GRAMD1B: variants seen among roughly 807,000 people sequenced by gnomAD.
GRAMD1B encodes the protein protein Aster-B.
Under a neutral mutation model 99.7 loss-of-function variants are expected in GRAMD1B, and 37 were observed. The observed-to-expected ratio is 0.37, with a 90% CI of 0.29 to 0.49. The LOEUF is 0.49. Among genes scored for constraint, GRAMD1B ranks in the 20% least tolerant of loss-of-function variants. The pLI is 0.98. For missense variants in GRAMD1B, 888 were observed against 1,009.2 expected (o/e 0.88, Z 1.63); for synonymous variants, 427 against 387.6 (o/e 1.10, Z -1.19).
intron 1 of GRAMD1B, among the ~76,000 whole-genome samples, chr11:123,366,267 G>A (rs1946317185): frequency 6.6e-6 from 1 of 152,174 alleles, no homozygotes; most frequent in African/African-American, 2.4e-5. Context: ...GATATATTTT[G>A]GCTTGTCGAA....
chr11:123,362,163 G>T (rs992408057), intron 1 of GRAMD1B, among the ~76,000 whole-genome samples: 3 of 152,172 alleles, frequency 2.0e-5, no homozygotes, highest in Non-Finnish European at 4.4e-5. Context: ...CCACAGTAGG[G>T]GAGAGGAATA....
At chr11:123,452,432 G>C (rs1270678138) in intron 1 of GRAMD1B, among the ~76,000 whole-genome samples, 1 of 152,132 alleles carries the variant, frequency 6.6e-6, no homozygotes, top group Non-Finnish European at 1.5e-5. Context: ...GATCGCCTGA[G>C]GTCAGGAGTT....
intron 1 of GRAMD1B, among the ~76,000 whole-genome samples, chr11:123,383,652 T>A (rs1208512326): frequency 6.6e-6 from 1 of 152,118 alleles, no homozygotes; most frequent in African/African-American, 2.4e-5. Flanking sequence ...CTTTCCTACA[T>A]CATTAATCTT....
intron 1 of GRAMD1B, among the ~76,000 whole-genome samples, chr11:123,360,736 T>TTTCC (rs1297654097): frequency 4.0e-4 from 61 of 151,462 alleles, no homozygotes; most frequent in Non-Finnish European, 6.6e-4. Context: ...AATCACATTC[T>TTTCC]TTCCTTCCTT....
chr11:123,588,128 T>C (rs966867867), intron 4 of GRAMD1B, among the ~76,000 whole-genome samples: 3 of 152,040 alleles, frequency 2.0e-5, no homozygotes, highest in Non-Finnish European at 2.9e-5. Context: ...CAGATTTGGC[T>C]GTAAGGTCAG....
At chr11:123,548,315 T>TACACACACAC (rs1468638521) in intron 2 of GRAMD1B, among the ~76,000 whole-genome samples, 184 of 90,934 alleles carry the variant, frequency 2.0e-3, no homozygotes, top group East Asian at 9.2e-3. Context: ...TATATATATA[T>TACACACACAC]ATATATATAT....
intron 2 of GRAMD1B, among the ~76,000 whole-genome samples, chr11:123,550,571 G>C (rs1325773446): frequency 6.6e-6 from 1 of 152,192 alleles, no homozygotes; most frequent in African/African-American, 2.4e-5. Flanking sequence ...TGGGGTGGAG[G>C]AAGGTGGAGG....
chr11:123,511,254 C>G (rs1297522415), intron 2 of GRAMD1B, among the ~76,000 whole-genome samples: 2 of 152,188 alleles, frequency 1.3e-5, no homozygotes, highest in Non-Finnish European at 2.9e-5. Flanking sequence ...GCCTCTCATC[C>G]TGCAGCAGAC....
intron 1 of GRAMD1B, among the ~76,000 whole-genome samples, chr11:123,387,297 T>A (rs546585894): frequency 2.6e-5 from 4 of 152,290 alleles, no homozygotes; most frequent in Admixed American, 2.6e-4. Context: ...TGGCACAGGC[T>A]TCTCCTGGAG....
At chr11:123,374,921 T>C (rs1362536745) in intron 1 of GRAMD1B, among the ~76,000 whole-genome samples, 2 of 152,250 alleles carry the variant, frequency 1.3e-5, no homozygotes, top group African/African-American at 4.8e-5. Flanking sequence ...GACCTTGGCA[T>C]TGATCCAGGT....
intron 2 of GRAMD1B, chr11:123,559,775 C>T: frequency 1.4e-6 from 1 of 723,560 alleles, no homozygotes; most frequent in Non-Finnish European, 1.7e-6. Context: ...AGTCTGGGAG[C>T]AGCTACACTG....
chr11:123,578,366 TC>T, intron 3 of GRAMD1B: 1 of 1,477,878 alleles, frequency 6.8e-7, no homozygotes, highest in Non-Finnish European at 9.1e-7. Context: ...CTCCTCTTCT[TC>T]CCCACCATTT....
At chr11:123,509,531 C>T (rs1940767236) in intron 2 of GRAMD1B, among the ~76,000 whole-genome samples, 2 of 152,230 alleles carry the variant, frequency 1.3e-5, no homozygotes, top group Non-Finnish European at 2.9e-5. Context: ...AGAGCGTACA[C>T]CCCGTTTCCT....
At chr11:123,439,837 G>A (rs569794554) in intron 1 of GRAMD1B, among the ~76,000 whole-genome samples, 3 of 152,152 alleles carry the variant, frequency 2.0e-5, no homozygotes, top group South Asian at 2.1e-4. Context: ...ACCCAGCCTG[G>A]TGCCTCTTCC....
chr11:123,580,958 A>C (rs1949292677), intron 3 of GRAMD1B, among the ~76,000 whole-genome samples: 2 of 150,322 alleles, frequency 1.3e-5, no homozygotes, highest in African/African-American at 2.5e-5. Context: ...TGACAGACTT[A>C]ACCTGATCAA....
intron 1 of GRAMD1B, among the ~76,000 whole-genome samples, chr11:123,421,743 C>T (rs576640892): frequency 2.6e-5 from 4 of 152,272 alleles, no homozygotes; most frequent in South Asian, 2.1e-4. Context: ...GAAGTTGTTT[C>T]GTTTCCTGGA....
intron 2 of GRAMD1B, among the ~76,000 whole-genome samples, chr11:123,515,422 A>G (rs1941579424): frequency 6.6e-6 from 1 of 152,218 alleles, no homozygotes; most frequent in African/African-American, 2.4e-5. Context: ...TGCCGTTCAA[A>G]GGCAATACTC....
At chr11:123,450,019 G>GAGAATTTTTAA (rs1949816034) in intron 1 of GRAMD1B, among the ~76,000 whole-genome samples, 14 of 152,214 alleles carry the variant, frequency 9.2e-5, no homozygotes, top group African/African-American at 3.1e-4. Flanking sequence ...CACCACACCT[G>GAGAATTTTTAA]AACCAGAGAC....
At position 123,369,637 on chromosome 11, in the gene GRAMD1B, C is replaced by G. The variant is rs146047338; in HGVS notation, c.-176+10838C>G. Among the ~76,000 whole-genome samples, 7 of 152,010 alleles carry G rather than the reference C, an allele frequency of 4.6e-5. No individual in the cohort carries two copies. In the East Asian group the frequency reaches 1.4e-3, roughly 30 times the overall value. The stretch of plus-strand genomic sequence containing the variant: ...CTGCCATCCCAGCAATTTGGTTGGC[C>G]GAGGTGGGTGGATTGCTTGAGGCCA... On this transcript the variant is annotated intron_variant, in intron 1 of 20. Transcript: ENST00000638157.
Sources: gnomAD v4.1 joint callset for allele counts (sites outside exome capture counted in the v4.1 genomes callset) on GRCh38, gnomAD v4.1.1 for gene constraint, MANE v1.5 for transcripts, NCBI Gene and HGNC (gene_info 2026-07-23, HGNC 2026-07-21) for gene names.